Variants in SUPT3H observed in about 807,000 individuals in gnomAD.
The protein encoded by SUPT3H is transcription initiation protein SPT3 homolog.
SUPT3H carries 44 observed loss-of-function variants against 44.3 expected under a neutral mutation model. The observed-to-expected ratio is 0.99, with a 90% CI of 0.78 to 1.28. The LOEUF is 1.28. Ranked by LOEUF, SUPT3H falls within the 50% of genes most tolerant of loss-of-function variation. The pLI, the probability that SUPT3H is intolerant of heterozygous loss-of-function variation, is 0.00. For missense variants in SUPT3H, 380 were observed against 387.1 expected, an observed-to-expected ratio of 0.98 and a Z score of 0.15; for synonymous variants, 124 against 125.6, an observed-to-expected ratio of 0.99 and a Z score of 0.09.
At chr6:44,986,387 C>A (rs1301824239) in intron 6 of SUPT3H, among the ~76,000 whole-genome samples, 1 of 152,050 alleles carries the variant, frequency 6.6e-6, no homozygotes, top group East Asian at 1.9e-4. Flanking sequence ...TCAGATAATA[C>A]ATATATTAGG....
intron 2 of SUPT3H, chr6:45,328,324 T>C (rs1786737117): frequency 4.4e-6 from 6 of 1,372,968 alleles, no homozygotes; most frequent in African/African-American, 1.5e-5. Flanking sequence ...ATTGTGTGAA[T>C]GCTTCATTCG....
At chr6:45,158,656 T>C (rs544254176) in intron 2 of SUPT3H, among the ~76,000 whole-genome samples, 51 of 152,190 alleles carry the variant, frequency 3.4e-4, no homozygotes, top group Admixed American at 3.9e-4. Flanking sequence ...CTTCCTTGTA[T>C]GGTTATCGCT....
At chr6:45,374,120 T>G (rs1796461459) in intron 1 of SUPT3H, among the ~76,000 whole-genome samples, 1 of 152,202 alleles carries the variant, frequency 6.6e-6, no homozygotes. Context: ...TCCATTTTAC[T>G]GATAAGGAAA....
chr6:45,139,261 T>C (rs1238107696), intron 2 of SUPT3H, among the ~76,000 whole-genome samples: 1 of 152,214 alleles, frequency 6.6e-6, no homozygotes, highest in African/African-American at 2.4e-5. Context: ...TCTAATTTCA[T>C]AAAACAACCT....
At chr6:44,894,430 T>A (rs1044650846) in intron 10 of SUPT3H, among the ~76,000 whole-genome samples, 5 of 152,252 alleles carry the variant, frequency 3.3e-5, no homozygotes, top group African/African-American at 1.2e-4. Context: ...CAGTTTCAGC[T>A]TTCTATATAC....
intron 3 of SUPT3H, among the ~76,000 whole-genome samples, chr6:45,055,203 T>C (rs1790915745): frequency 6.6e-6 from 1 of 152,128 alleles, no homozygotes; most frequent in Non-Finnish European, 1.5e-5. Context: ...GGTTCCATGC[T>C]CATGGAGGGT....
chr6:45,301,969 T>A (rs534263315), intron 2 of SUPT3H, among the ~76,000 whole-genome samples: 38 of 152,256 alleles, frequency 2.5e-4, no homozygotes, highest in South Asian at 2.5e-3. Context: ...GAATCACTCC[T>A]GTTAAGTGCC....
intron 2 of SUPT3H, among the ~76,000 whole-genome samples, chr6:45,171,182 T>C (rs906215893): frequency 6.6e-6 from 1 of 152,230 alleles, no homozygotes; most frequent in Non-Finnish European, 1.5e-5. Context: ...TTTGTATCTA[T>C]ATTAGTTTTG....
At chr6:45,331,131 G>T (rs1200252704) in intron 2 of SUPT3H, among the ~76,000 whole-genome samples, 3 of 142,136 alleles carry the variant, frequency 2.1e-5, no homozygotes, top group East Asian at 2.3e-4. Flanking sequence ...GTGTGTGCGC[G>T]CGCGCGCGCA....
intron 2 of SUPT3H, among the ~76,000 whole-genome samples, chr6:45,184,920 C>T (rs761427306): frequency 5.9e-5 from 9 of 152,100 alleles, no homozygotes; most frequent in African/African-American, 1.9e-4. Context: ...AGCTTTACCA[C>T]CCACTTTCAG....
At chr6:45,016,259 G>A (rs1178292675) in intron 4 of SUPT3H, among the ~76,000 whole-genome samples, 1 of 151,966 alleles carries the variant, frequency 6.6e-6, no homozygotes, top group African/African-American at 2.4e-5. Context: ...TGGGACTACT[G>A]CTGTATTTGC....
At chr6:44,983,175 TA>T (rs1346811159) in intron 6 of SUPT3H, among the ~76,000 whole-genome samples, 4 of 152,156 alleles carry the variant, frequency 2.6e-5, no homozygotes, top group African/African-American at 9.7e-5. Context: ...GAAGCAAATG[TA>T]AACTCCCAAA....
intron 3 of SUPT3H, among the ~76,000 whole-genome samples, chr6:45,068,474 A>T (rs1360996343): frequency 6.6e-6 from 1 of 152,112 alleles, no homozygotes; most frequent in South Asian, 2.1e-4. Flanking sequence ...AAAAAAATAA[A>T]AAAAAAAGAT....
At chr6:45,028,579 C>T (rs1359653227) in intron 3 of SUPT3H, among the ~76,000 whole-genome samples, 2 of 151,762 alleles carry the variant, frequency 1.3e-5, no homozygotes, top group Non-Finnish European at 2.9e-5. Flanking sequence ...TGTGTACTAC[C>T]CGTATTTAAC....
intron 2 of SUPT3H, among the ~76,000 whole-genome samples, chr6:45,332,233 G>A (rs1000479697): frequency 6.6e-6 from 1 of 151,406 alleles, no homozygotes; most frequent in African/African-American, 2.4e-5. Flanking sequence ...CATCTAGAGG[G>A]CTTTCCCCCT....
intron 10 of SUPT3H, among the ~76,000 whole-genome samples, chr6:44,882,440 G>A (rs575312677): frequency 2.0e-5 from 3 of 152,204 alleles, no homozygotes; most frequent in Admixed American, 6.5e-5. Flanking sequence ...ATTCACAGCC[G>A]AATTCTACCA....
intron 2 of SUPT3H, among the ~76,000 whole-genome samples, chr6:45,283,651 C>T (rs1778623974): frequency 1.3e-5 from 2 of 151,656 alleles, no homozygotes; most frequent in Admixed American, 1.3e-4. Context: ...ACTTTAACAC[C>T]CCACTGTCAA....
chr6:45,064,571 C>T (rs1227924628), intron 3 of SUPT3H, among the ~76,000 whole-genome samples: 6 of 143,730 alleles, frequency 4.2e-5, no homozygotes, highest in East Asian at 2.0e-4. Context: ...ACCCATCTTA[C>T]GTGCAGAGAT....
chr6:45,293,917 T>C (rs963860613), intron 2 of SUPT3H, among the ~76,000 whole-genome samples: 2 of 97,498 alleles, frequency 2.1e-5, no homozygotes, highest in African/African-American at 1.1e-4. Context: ...ACTGAAAGAA[T>C]TGGTACCAAT....
Sources: gnomAD v4.1 joint callset for allele counts (sites outside exome capture counted in the v4.1 genomes callset) on GRCh38, gnomAD v4.1.1 for gene constraint, MANE v1.5 for transcripts, NCBI Gene and HGNC (gene_info 2026-07-23, HGNC 2026-07-21) for gene names.